Variants in ZDHHC20 observed in about 807,000 individuals in gnomAD.
The protein encoded by ZDHHC20 is palmitoyltransferase ZDHHC20.
ZDHHC20 carries 43 observed loss-of-function variants against 57.8 expected under a neutral mutation model. That is an observed-to-expected ratio of 0.74 (90% CI 0.58 to 0.96). ZDHHC20 has a LOEUF of 0.96. Ranked by LOEUF, ZDHHC20 falls within the 40% of genes least tolerant of loss-of-function variation. The pLI is 0.00. For synonymous variants in ZDHHC20, 157 were observed against 153.0 expected, an observed-to-expected ratio of 1.03 and a Z score of -0.19; for missense variants, 391 against 441.1, an observed-to-expected ratio of 0.89 and a Z score of 1.02.
At chr13:21,425,828 C>CTTGTTTT in intron 1 of ZDHHC20, 150 bp from the exon 2 acceptor site, 1 of 474,568 alleles carries the variant, frequency 2.1e-6, no homozygotes, top group South Asian at 5.6e-5. Context: ...CAAAATTGCA[C>CTTGTTTT]TTAAAAAACT....
chr13:21,423,254 A>G (rs937891501), intron 2 of ZDHHC20, among the ~76,000 whole-genome samples: 8 of 152,168 alleles, frequency 5.3e-5, no homozygotes, highest in Admixed American at 3.9e-4. Flanking sequence ...TCTATTTTCA[A>G]ATGTGCTCTT....
intron 1 of ZDHHC20, among the ~76,000 whole-genome samples, chr13:21,443,009 C>T (rs1883334999): frequency 6.6e-6 from 1 of 152,140 alleles, no homozygotes; most frequent in Admixed American, 6.5e-5. Context: ...AAAGGGCTTG[C>T]TTAATTTCTT....
At chr13:21,435,810 G>A (rs1882483634) in intron 1 of ZDHHC20, among the ~76,000 whole-genome samples, 1 of 152,174 alleles carries the variant, frequency 6.6e-6, no homozygotes, top group South Asian at 2.1e-4. Context: ...CTCCCAATAA[G>A]AAATGACTCA....
rs146082004 is a variant in ZDHHC20, at chr13:21,379,362, G to A, written c.1061-624C>T. Among the ~76,000 whole-genome samples, 432 of 151,960 alleles carry A rather than the reference G, an allele frequency of 2.8e-3. 8 individuals are homozygous for A. The highest frequency in any genetic ancestry group is 0.022 in the Admixed American group (336 of 15,230). ...AGTGGCATGATCATAGCTCACTGTA[G>A]CTTCAATATCCCAGGCTCAAGCAAT... On this transcript the variant is annotated intron_variant, in intron 11 of 12. Transcript: ENST00000400590.
At chr13:21,420,486 T>C (rs1023797046) in intron 3 of ZDHHC20, among the ~76,000 whole-genome samples, 1 of 152,198 alleles carries the variant, frequency 6.6e-6, no homozygotes, top group African/African-American at 2.4e-5. Flanking sequence ...CTTAACCACC[T>C]TGCTATAAGA....
chr13:21,434,599 G>A (rs920149858), intron 1 of ZDHHC20, among the ~76,000 whole-genome samples: 1 of 152,128 alleles, frequency 6.6e-6, no homozygotes, highest in African/African-American at 2.4e-5. Flanking sequence ...TTTTGCTACA[G>A]ATACTGTTCA....
At chr13:21,419,628 C>T (rs909405534) in intron 3 of ZDHHC20, among the ~76,000 whole-genome samples, 1 of 152,224 alleles carries the variant, frequency 6.6e-6, no homozygotes, top group Non-Finnish European at 1.5e-5. Flanking sequence ...TATACACATA[C>T]ACACACCACT....
At chr13:21,444,648 G>A (rs751107662) in intron 1 of ZDHHC20, among the ~76,000 whole-genome samples, 1 of 152,158 alleles carries the variant, frequency 6.6e-6, no homozygotes, top group Non-Finnish European at 1.5e-5. Context: ...CAAACAGCCA[G>A]TAAATCAGCC....
chr13:21,411,264 G>T (rs9580106), intron 4 of ZDHHC20, among the ~76,000 whole-genome samples: 1,964 of 152,290 alleles, frequency 0.013, 40 homozygotes, highest in African/African-American at 0.044. Context: ...TGCCTTCTGC[G>T]TTGGTCTCAC....
intron 7 of ZDHHC20, among the ~76,000 whole-genome samples, chr13:21,392,156 T>TC (rs989183897): frequency 2.0e-5 from 3 of 149,630 alleles, no homozygotes; most frequent in African/African-American, 7.4e-5. Flanking sequence ...GACAAGAGGG[T>TC]CACTGAGCCT....
intron 1 of ZDHHC20, among the ~76,000 whole-genome samples, chr13:21,437,388 C>T (rs1282619479): frequency 2.6e-5 from 4 of 152,156 alleles, no homozygotes; most frequent in Non-Finnish European, 2.9e-5. Context: ...CACAGAGCCA[C>T]GCCATATCAG....
At chr13:21,419,622 C>T (rs1191785842) in intron 3 of ZDHHC20, among the ~76,000 whole-genome samples, 1 of 152,226 alleles carries the variant, frequency 6.6e-6, no homozygotes, top group East Asian at 1.9e-4. Context: ...TATGACTATA[C>T]ACATACACAC....
At chr13:21,429,019 T>A (rs1042409848) in intron 1 of ZDHHC20, among the ~76,000 whole-genome samples, 3 of 152,184 alleles carry the variant, frequency 2.0e-5, no homozygotes, top group African/African-American at 4.8e-5. Context: ...AGAGACAACA[T>A]TAATTTATGG....
In ZDHHC20 at chr13:21,385,926, C is replaced by T. The variant is rs150367319; in HGVS notation, c.854+1582G>A. Among the ~76,000 whole-genome samples the T allele has an allele frequency of 7.4e-4, 113 of 152,060 alleles. 1 individual carries two copies. The highest frequency in any genetic ancestry group is 2.7e-3 in the African/African-American group (110 of 41,460). ...AGTCAGGCTGACTTTTCATTAGAAACAATGCAGACCAGAAGATAATGGAAC... is the reference window on the plus strand; with the variant it reads ...AGTCAGGCTGACTTTTCATTAGAAATAATGCAGACCAGAAGATAATGGAAC... On this transcript the variant is annotated intron_variant, in intron 9 of 12. Transcript: ENST00000400590.
chr13:21,437,074 C>A (rs1882628188), intron 1 of ZDHHC20, among the ~76,000 whole-genome samples: 1 of 152,158 alleles, frequency 6.6e-6, no homozygotes, highest in Non-Finnish European at 1.5e-5. Context: ...GTTTTCTAGA[C>A]AGAGAGCCAA....
chr13:21,459,034 T>A lies in ZDHHC20; in HGVS notation c.118+20A>T. ...AGCCGCGGCCCGCGCCCCGCCGCAG[T>A]CCCCGGGGACGGTACTCACACACGC... On this transcript the variant is annotated intron_variant, in intron 1 of 12. Coordinates refer to ENST00000400590, the MANE Select transcript of ZDHHC20 (RefSeq NM_001330059.2). 1 of 1,565,182 alleles carries A rather than the reference T, an allele frequency of 6.4e-7. No homozygotes were observed. The highest frequency in any genetic ancestry group is 8.7e-7 in the Non-Finnish European group (1 of 1,152,618).
At position 21,401,130 on chromosome 13, in the gene ZDHHC20, T is replaced by A. The variant is rs901449805; in HGVS notation, c.473+523A>T. On this transcript the variant is annotated intron_variant, in intron 6 of 12. Transcript: ENST00000400590. ...CCATCTCTATTAAAAATACAAAAAA[T>A]CAGCCAGGCGTGGTGGTGCATGCCT... Among the ~76,000 whole-genome samples, 4 of 151,874 alleles carry A rather than the reference T, an allele frequency of 2.6e-5. No individual in the cohort carries two copies. In the South Asian group the frequency reaches 6.3e-4, roughly 24 times the overall value.
Position 21,425,679 on chromosome 13 carries a change from C to A in ZDHHC20, c.119-1G>T. ...TTTTCTTCATTTCCAAAAATAGTAA[C>A]TAGAATAGAAGAAAAAATAGTGAAT... On this transcript the variant is annotated splice_acceptor_variant, in intron 1 of 12. Transcript: ENST00000400590. LOFTEE classifies it high-confidence loss of function. The A allele has an allele frequency of 8.6e-7, 1 of 1,168,822 alleles. No individual in the cohort carries two copies. The highest frequency in any genetic ancestry group is 1.6e-5 in the South Asian group (1 of 61,262). The allele number at this position is 1,168,822 out of a possible 1,614,324, so 72.4% of individuals were successfully genotyped here.
At chr13:21,379,965 AC>A (rs754527804) in intron 11 of ZDHHC20, among the ~76,000 whole-genome samples, 3 of 146,876 alleles carry the variant, frequency 2.0e-5, no homozygotes, top group Admixed American at 6.8e-5. Context: ...ACAGGCGCCC[AC>A]CACCTCGCCC....
Sources: gnomAD v4.1 joint callset for allele counts (sites outside exome capture counted in the v4.1 genomes callset) on GRCh38, gnomAD v4.1.1 for gene constraint, MANE v1.5 for transcripts, NCBI Gene and HGNC (gene_info 2026-07-23, HGNC 2026-07-21) for gene names.